Variants in EFNA5 observed in about 807,000 individuals in gnomAD.
The protein encoded by EFNA5 is ephrin-A5.
Under a neutral mutation model 22.9 loss-of-function variants are expected in EFNA5, and 5 were observed. The observed-to-expected ratio is 0.22, with a 90% CI of 0.11 to 0.46. The LOEUF is 0.46. Ranked by LOEUF, EFNA5 falls within the 20% of genes least tolerant of loss-of-function variation. The pLI, the probability that EFNA5 is intolerant of heterozygous loss-of-function variation, is 0.99. For synonymous variants in EFNA5, 113 were observed against 112.2 expected (o/e 1.01, Z -0.04); for missense variants, 237 against 293.3 (o/e 0.81, Z 1.40).
chr5:107,418,531 C>T (rs1470775669), intron 2 of EFNA5, among the ~76,000 whole-genome samples: 1 of 152,164 alleles, frequency 6.6e-6, no homozygotes, highest in African/African-American at 2.4e-5. Flanking sequence ...CAAAAGGTGA[C>T]ATAATTCCTC....
At chr5:107,596,608 C>T (rs184459020) in intron 1 of EFNA5, among the ~76,000 whole-genome samples, 138 of 152,166 alleles carry the variant, frequency 9.1e-4, no homozygotes, top group African/African-American at 3.2e-3. Context: ...TGATGACTTT[C>T]CTTTTTTAAA....
intron 1 of EFNA5, among the ~76,000 whole-genome samples, chr5:107,532,328 T>G (rs922719495): frequency 1.3e-5 from 2 of 152,226 alleles, no homozygotes; most frequent in Non-Finnish European, 2.9e-5. Context: ...CCTGGGGCCA[T>G]GACCTCATTA....
intron 1 of EFNA5, among the ~76,000 whole-genome samples, chr5:107,664,215 A>G (rs1315019056): frequency 6.6e-6 from 1 of 152,192 alleles, no homozygotes; most frequent in Non-Finnish European, 1.5e-5. Flanking sequence ...AAAAAGTACT[A>G]TCAAGAATAT....
At chr5:107,546,778 A>G (rs1438383819) in intron 1 of EFNA5, among the ~76,000 whole-genome samples, 1 of 152,094 alleles carries the variant, frequency 6.6e-6, no homozygotes, top group Admixed American at 6.6e-5. Context: ...CCTGTCAACC[A>G]GCAGTTATTT....
intron 2 of EFNA5, among the ~76,000 whole-genome samples, chr5:107,388,083 T>C (rs1354542990): frequency 2.0e-5 from 3 of 152,196 alleles, no homozygotes; most frequent in Admixed American, 6.5e-5. Flanking sequence ...CTGTTATCAA[T>C]TTTCTCTAAA....
intron 1 of EFNA5, among the ~76,000 whole-genome samples, chr5:107,535,938 A>C (rs1747921077): frequency 6.6e-6 from 1 of 152,142 alleles, no homozygotes. Flanking sequence ...TGGAAAGCTC[A>C]TTCTTCCCTT....
At chr5:107,562,431 G>C (rs758318978) in intron 1 of EFNA5, among the ~76,000 whole-genome samples, 1 of 151,810 alleles carries the variant, frequency 6.6e-6, no homozygotes, top group Non-Finnish European at 1.5e-5. Context: ...AGCATTCTAG[G>C]TCACTTTTTG....
At chr5:107,609,687 T>C (rs371744483) in intron 1 of EFNA5, among the ~76,000 whole-genome samples, 3 of 152,112 alleles carry the variant, frequency 2.0e-5, no homozygotes, top group Non-Finnish European at 4.4e-5. Context: ...TCTGCTAAAA[T>C]TGTTTCTTCC....
intron 2 of EFNA5, among the ~76,000 whole-genome samples, chr5:107,426,129 A>G (rs1205327631): frequency 6.6e-6 from 1 of 152,204 alleles, no homozygotes; most frequent in Non-Finnish European, 1.5e-5. Context: ...GTCACTCCCT[A>G]AGAACAGGGA....
intron 1 of EFNA5, among the ~76,000 whole-genome samples, chr5:107,663,128 T>C (rs2112562207): frequency 6.6e-6 from 1 of 152,196 alleles, no homozygotes; most frequent in South Asian, 2.1e-4. Flanking sequence ...GATCATAAAG[T>C]GGTTTAGTCC....
At chr5:107,457,482 C>G (rs1749725533) in intron 1 of EFNA5, among the ~76,000 whole-genome samples, 1 of 152,062 alleles carries the variant, frequency 6.6e-6, no homozygotes, top group Non-Finnish European at 1.5e-5. Context: ...TCTTATGATA[C>G]CTAATACAAT....
At chr5:107,477,246 CATA>C (rs937607475) in intron 1 of EFNA5, among the ~76,000 whole-genome samples, 1 of 152,082 alleles carries the variant, frequency 6.6e-6, no homozygotes, top group African/African-American at 2.4e-5. Context: ...AGATACTAAT[CATA>C]ATATTAACAT....
At chr5:107,401,137 G>A (rs553056052) in intron 2 of EFNA5, among the ~76,000 whole-genome samples, 62 of 152,278 alleles carry the variant, frequency 4.1e-4, no homozygotes, top group Non-Finnish European at 7.9e-4. Flanking sequence ...AATTTCTGCA[G>A]CTAACATATA....
intron 1 of EFNA5, among the ~76,000 whole-genome samples, chr5:107,489,663 C>CG (rs566107709): frequency 5.5e-5 from 8 of 146,278 alleles, no homozygotes; most frequent in South Asian, 4.4e-4. Flanking sequence ...CCCACCTACC[C>CG]CCCCCACCAA....
intron 1 of EFNA5, among the ~76,000 whole-genome samples, chr5:107,462,445 T>C (rs927496795): frequency 6.6e-6 from 1 of 152,088 alleles, no homozygotes; most frequent in Admixed American, 6.6e-5. Flanking sequence ...TAGAAACTTT[T>C]CTCCAGAATA....
In EFNA5 at chr5:107,575,690, C is replaced by A. The variant is rs191109981; in HGVS notation, c.125+94799G>T. 1.6e-3 allele frequency among the ~76,000 whole-genome samples: 248 copies of A among 152,196 alleles called. 1 individual carries two copies. The highest frequency in any genetic ancestry group is 4.9e-3 in the Admixed American group (75 of 15,294). ...CAAGTAGCACAGCACATAGTCCTTA[C>A]CCTTGAGGAGTTTACATTCCACTAT... On this transcript the variant is annotated intron_variant, in intron 1 of 4. Coordinates refer to ENST00000333274, the MANE Select transcript of EFNA5 (RefSeq NM_001962.3).
At chr5:107,393,762 G>T (rs1202880637) in intron 2 of EFNA5, among the ~76,000 whole-genome samples, 1 of 152,180 alleles carries the variant, frequency 6.6e-6, no homozygotes, top group African/African-American at 2.4e-5. Context: ...GCAGGTGAAG[G>T]TGGAATTAAG....
At chr5:107,639,357 C>A (rs1750453670) in intron 1 of EFNA5, among the ~76,000 whole-genome samples, 1 of 152,230 alleles carries the variant, frequency 6.6e-6, no homozygotes, top group Admixed American at 6.5e-5. Context: ...AGAGCACAGA[C>A]TCTGGAACCA....
intron 1 of EFNA5, among the ~76,000 whole-genome samples, chr5:107,430,774 C>CTTTTTTTTTTTTTTTT (rs869266799): frequency 4.9e-5 from 1 of 20,292 alleles, no homozygotes; most frequent in African/African-American, 8.6e-5. Context: ...TTCTTTCTTT[C>CTTTTTTTTTTTTTTTT]TTTTTTTTTT....
Sources: gnomAD v4.1 joint callset for allele counts (sites outside exome capture counted in the v4.1 genomes callset) on GRCh38, gnomAD v4.1.1 for gene constraint, MANE v1.5 for transcripts, NCBI Gene and HGNC (gene_info 2026-07-23, HGNC 2026-07-21) for gene names.